Variants in ZNF280B observed in about 807,000 individuals in gnomAD.
The protein encoded by ZNF280B is zinc finger protein 280B.
A neutral mutation model predicts 38.0 loss-of-function variants in ZNF280B; 16 were observed. That is an observed-to-expected ratio of 0.42 (90% CI 0.28 to 0.64). The LOEUF is 0.64. ZNF280B is among the 30% of genes least tolerant of loss of function. The probability of loss-of-function intolerance (pLI) is 0.21; values close to 1 mark genes in which losing one functional copy is unlikely to be tolerated. For synonymous variants in ZNF280B, 253 were observed against 230.6 expected, an observed-to-expected ratio of 1.10 and a Z score of -0.88; for missense variants, 581 against 639.6, an observed-to-expected ratio of 0.91 and a Z score of 0.99.
At position 22,488,365 on chromosome 22, in the gene ZNF280B, C is replaced by T; in HGVS notation, c.1034G>A (p.Cys345Tyr). The change falls in exon 4 of 4, where the codon TGC (cysteine) becomes TAC (tyrosine). Residue 345 changes from cysteine to tyrosine, a missense_variant. Transcript: ENST00000626650. Reference sequence around the variant, plus strand: ...GGGAAACTGCCGGTGGCAGTGCTGGCAGGTGGTGTGGTTTTCCCAGCTGTC... The same window carrying T: ...GGGAAACTGCCGGTGGCAGTGCTGGTAGGTGGTGTGGTTTTCCCAGCTGTC... ...RNDSWENHTT[C>Y]QHCHRQFPTP... 6.2e-7 allele frequency: 1 copy of T among 1,613,862 alleles called. No homozygotes were observed. The highest frequency in any genetic ancestry group is 8.5e-7 in the Non-Finnish European group (1 of 1,179,984).
chr22:22,493,065 C>T (rs913030404), intron 3 of ZNF280B, among the ~76,000 whole-genome samples: 1 of 151,780 alleles, frequency 6.6e-6, no homozygotes, highest in African/African-American at 2.4e-5. Context: ...GGCTGAAGTG[C>T]AGTGGCACGA....
intron 2 of ZNF280B, among the ~76,000 whole-genome samples, chr22:22,503,709 A>T (rs2061873773): frequency 6.6e-6 from 1 of 151,988 alleles, no homozygotes; most frequent in Non-Finnish European, 1.5e-5. Context: ...TATGACCAAG[A>T]CAGTTATAGT....
intron 2 of ZNF280B, among the ~76,000 whole-genome samples, chr22:22,502,474 T>C (rs545193012): frequency 1.6e-4 from 25 of 151,970 alleles, no homozygotes; most frequent in African/African-American, 3.4e-4. Flanking sequence ...ATAACACATA[T>C]ATAAGCTAGC....
intron 1 of ZNF280B, among the ~76,000 whole-genome samples, chr22:22,508,195 G>C (rs944384559): frequency 3.3e-5 from 5 of 151,938 alleles, no homozygotes; most frequent in African/African-American, 1.2e-4. Context: ...CTGCGGTAGG[G>C]GAGAGAGACC....
chr22:22,493,833 T>C (rs2061644469), intron 3 of ZNF280B, among the ~76,000 whole-genome samples: 2 of 152,000 alleles, frequency 1.3e-5, no homozygotes, highest in East Asian at 3.9e-4. Flanking sequence ...TCCCTAAGCG[T>C]TAAATGATTC....
At chr22:22,501,035 A>ACC (rs1459753000) in intron 2 of ZNF280B, among the ~76,000 whole-genome samples, 1 of 140,320 alleles carries the variant, frequency 7.1e-6, no homozygotes, top group African/African-American at 2.8e-5. Flanking sequence ...AAAAAAAAAA[A>ACC]AAAAAACAAA....
chr22:22,487,607 T>C lies in ZNF280B; in HGVS notation c.*160A>G. The C allele has an allele frequency of 1.8e-6, 1 of 569,350 alleles. No homozygotes were observed. The allele number at this position is 569,350 out of a possible 1,614,324, so 35.3% of individuals were successfully genotyped here. On this transcript the variant is annotated 3_prime_UTR_variant, in exon 4 of 4. Coordinates refer to ENST00000626650, the MANE Select transcript of ZNF280B (RefSeq NM_080764.4). ...TTAAAATAATACCTCAAAATTCAGA[T>C]CAAATAATATATATCCTGAATCTTG... is the stretch of plus-strand genomic sequence containing the variant.
chr22:22,496,469 A>T (rs1390186739), intron 2 of ZNF280B, among the ~76,000 whole-genome samples: 2 of 151,968 alleles, frequency 1.3e-5, no homozygotes, highest in Non-Finnish European at 2.9e-5. Flanking sequence ...AGTATTTATT[A>T]AAAAATATTT....
rs1251110506 is a variant in ZNF280B, at chr22:22,508,453, A to G, written c.-248+206T>C. Among the ~76,000 whole-genome samples, 5 of 151,460 alleles carry G rather than the reference A, an allele frequency of 3.3e-5. No homozygotes were observed. The East Asian group carries it at 6.0e-4, about 18-fold the overall frequency. ...GCTGATGTAAAAGTGGCGCCCGCTG[A>G]GATTAGGGAAGGGGGTGTGCGTGAG... On this transcript the variant is annotated intron_variant, in intron 1 of 3. Coordinates refer to ENST00000626650, the MANE Select transcript of ZNF280B (RefSeq NM_080764.4).
chr22:22,504,824 G>A (rs1240733099), intron 2 of ZNF280B, among the ~76,000 whole-genome samples: 5 of 151,942 alleles, frequency 3.3e-5, no homozygotes, highest in Non-Finnish European at 5.9e-5. Context: ...AGAAAGGGAA[G>A]CATCAAGGTA....
At chr22:22,506,102 C>T (rs903235442) in intron 2 of ZNF280B, among the ~76,000 whole-genome samples, 2 of 151,772 alleles carry the variant, frequency 1.3e-5, no homozygotes, top group African/African-American at 4.8e-5. Context: ...GGAGGACACA[C>T]AAGAGGTAAT....
In ZNF280B at chr22:22,488,054, A is replaced by T. The variant is rs747060850; in HGVS notation, c.1345T>A (p.Cys449Ser). The T allele has an allele frequency of 1.9e-5, 31 of 1,613,926 alleles. No homozygotes were observed. The East Asian group carries it at 6.7e-4, about 35-fold the overall frequency. Reference sequence around the variant, plus strand: ...TTTCCCCAGTGGCCCCTATAATGACACATGTATGGTGTTGCTGTTTTGAAA... The same window carrying T: ...TTTCCCCAGTGGCCCCTATAATGACTCATGTATGGTGTTGCTGTTTTGAAA... ...KIFKTATPYM[C>S]HYRGHWGKSA... Residue 449 changes from cysteine (C) to serine (S), a missense_variant, in exon 4 of 4, where the codon TGT becomes AGT. By Grantham distance (112) the Cys-to-Ser change is moderately radical. Coordinates refer to ENST00000626650, the MANE Select transcript of ZNF280B (RefSeq NM_080764.4).
At chr22:22,490,116 A>G (rs932819755) in intron 3 of ZNF280B, among the ~76,000 whole-genome samples, 3 of 152,006 alleles carry the variant, frequency 2.0e-5, no homozygotes, top group Non-Finnish European at 4.4e-5. Context: ...GTCAATTGCC[A>G]GGCAGATAAT....
chr22:22,508,818 G>C (rs1281387499), upstream of ZNF280B: 1 of 152,000 alleles, frequency 6.6e-6, no homozygotes, highest in African/African-American at 2.4e-5. Context: ...GCGATTGGCT[G>C]CCAGGTGCCG....
In ZNF280B at chr22:22,487,861, C is replaced by G. The variant is rs777191266; in HGVS notation, c.1538G>C (p.Gly513Ala). 6.2e-7 allele frequency: 1 copy of G among 1,613,776 alleles called. No homozygotes were observed. Among genetic ancestry groups the G allele is most frequent in the African/African-American group, 1.3e-5 (1 of 74,954 alleles). ...IQVSLEPLQP[G>A]SVDVASITVS... Reference sequence around the variant, plus strand: ...AGTTATGGATGCTACATCCACTGATCCTGGCTGAAGAGGTTCCAGCGACAC... The same window carrying G: ...AGTTATGGATGCTACATCCACTGATGCTGGCTGAAGAGGTTCCAGCGACAC... The change falls in exon 4 of 4, where the codon GGA becomes GCA. Residue 513 changes from glycine (G) to alanine (A), a missense_variant. Transcript: ENST00000626650.
At chr22:22,490,873 G>A (rs185470816) in intron 3 of ZNF280B, among the ~76,000 whole-genome samples, 2 of 151,286 alleles carry the variant, frequency 1.3e-5, no homozygotes, top group African/African-American at 4.9e-5. Flanking sequence ...GCTCCTCACT[G>A]CCCTTAGGGC....
Position 22,487,965 on chromosome 22 carries a change from G to C in ZNF280B, c.1434C>G (p.His478Gln), listed in dbSNP as rs145150314. 1 of 1,613,702 alleles carries C rather than the reference G, an allele frequency of 6.2e-7. No homozygotes were observed. The highest frequency in any genetic ancestry group is 8.5e-7 in the Non-Finnish European group (1 of 1,179,942). Residue 478 changes from histidine to glutamine, a missense_variant, in exon 4 of 4, where the codon CAC (histidine) becomes CAG (glutamine). Physicochemically the swap from His to Gln is conservative, Grantham distance 24 (BLOSUM62 0). Coordinates refer to ENST00000626650, the MANE Select transcript of ZNF280B (RefSeq NM_080764.4). The stretch of plus-strand genomic sequence containing the variant: ...TAAACATTTGATGACACTGGGTCTT[G>C]TGCTCCATTTTCTCCTTGAAAGTTA... Reference protein sequence around the residue: ...QFLTFKEKMEHKTQCHQMFKK... With the variant: ...QFLTFKEKMEQKTQCHQMFKK...
chr22:22,504,028 G>A (rs1032077021), intron 2 of ZNF280B, among the ~76,000 whole-genome samples: 4 of 151,998 alleles, frequency 2.6e-5, no homozygotes, highest in Non-Finnish European at 5.9e-5. Flanking sequence ...GTATTATTCA[G>A]TATTATCCAA....
rs1249732398 is a variant in ZNF280B, at chr22:22,488,483, T to C, written c.916A>G (p.Thr306Ala). 6.2e-7 allele frequency: 1 copy of C among 1,613,838 alleles called. No homozygotes were observed. Among genetic ancestry groups the C allele is most frequent in the Non-Finnish European group, 8.5e-7 (1 of 1,179,954 alleles). ...EGQPEQKTHTTFKCLSCVKVL... is the reference protein window; with the variant it reads ...EGQPEQKTHTAFKCLSCVKVL... ...TTCACGCAGCTGAGGCATTTAAAGG[T>C]GGTGTGAGTCTTCTGTTCCGGCTGC... Residue 306 changes from threonine (T) to alanine (A), a missense_variant, in exon 4 of 4, where the codon ACC becomes GCC. Physicochemically the swap from Thr to Ala is moderately conservative, Grantham distance 58 (BLOSUM62 0). Coordinates refer to ENST00000626650, the MANE Select transcript of ZNF280B (RefSeq NM_080764.4).
Sources: allele counts gnomAD v4.1 joint callset (sites outside exome capture counted in the v4.1 genomes callset), GRCh38; gene constraint gnomAD v4.1.1; transcripts MANE v1.5; gene names NCBI Gene and HGNC (gene_info 2026-07-23, HGNC 2026-07-21).